Variants in DSC3 observed in about 807,000 individuals in gnomAD.
DSC3 encodes the protein desmocollin 3, also known as desmocollin-3.
Under a neutral mutation model 89.5 loss-of-function variants are expected in DSC3, and 97 were observed. The ratio of observed to expected loss-of-function variants is 1.08; its 90% CI spans 0.92 to 1.28. DSC3 has a LOEUF of 1.28. Among genes scored for constraint, DSC3 ranks in the 50% most tolerant of loss-of-function variants. The pLI is 0.00. For synonymous variants in DSC3, 436 were observed against 384.1 expected, an observed-to-expected ratio of 1.14 and a Z score of -1.58; for missense variants, 1,199 against 1,085.3, an observed-to-expected ratio of 1.10 and a Z score of -1.47.
chr18:31,031,298 A>T (rs1985784593), intron 2 of DSC3, 126 bp from the exon 3 acceptor site: 3 of 659,378 alleles, frequency 4.5e-6, no homozygotes, highest in Non-Finnish European at 7.6e-6. Context: ...CTTTGCATTT[A>T]CCAGATATCT....
intron 9 of DSC3, among the ~76,000 whole-genome samples, chr18:31,012,288 T>C (rs1242279023): frequency 2.0e-5 from 3 of 152,018 alleles, no homozygotes; most frequent in Non-Finnish European, 4.4e-5. Context: ...TAGAAATGAA[T>C]TAAGGTTGCA....
chr18:30,998,831 A>G (rs1176282364), intron 14 of DSC3, among the ~76,000 whole-genome samples: 1 of 152,224 alleles, frequency 6.6e-6, no homozygotes, highest in Non-Finnish European at 1.5e-5. Flanking sequence ...GTTCAATTAA[A>G]GTATAAGCGC....
At position 30,996,004 on chromosome 18, in the gene DSC3, A is replaced by AAAAAG. The variant is rs1380162048; in HGVS notation, c.2493+786_2493+787insCTTTT. Among the ~76,000 whole-genome samples, 124 of 143,734 alleles carry AAAAAG rather than the reference A, an allele frequency of 8.6e-4. 3 individuals are homozygous for AAAAAG. The highest frequency in any genetic ancestry group is 3.4e-3 in the African/African-American group (120 of 35,486). 94.3% of individuals were successfully genotyped at this position (143,734 alleles called of 152,430 possible). On this transcript the variant is annotated intron_variant, in intron 15 of 15. Transcript: ENST00000360428. ...AAAAAAAAAAAAAAAAAAAAAGAAA[A>AAAAAG]GAAAGAAAAAAGCTTCTGCTTCATA...
chr18:31,011,140 T>A (rs1985043020), intron 9 of DSC3, among the ~76,000 whole-genome samples: 1 of 152,218 alleles, frequency 6.6e-6, no homozygotes, highest in Admixed American at 6.5e-5. Context: ...TCAAATTCTG[T>A]CTACACTACA....
chr18:31,022,353 G>T lies in DSC3; in HGVS notation c.925C>A (p.His309Asn). 1 of 1,613,986 alleles carries T rather than the reference G, an allele frequency of 6.2e-7. No individual in the cohort carries two copies. Among genetic ancestry groups the T allele is most frequent in the Non-Finnish European group, 8.5e-7 (1 of 1,179,916 alleles). ...TGAGCTACCTCTCTGTCCAAATAAT[G>T]AGAGACTGTGGTGATTACGCCTGTG... Reference protein sequence around the residue: ...PSTGVITTVSHYLDREVVDKY... With the variant: ...PSTGVITTVSNYLDREVVDKY... Residue 309 changes from histidine (H) to asparagine (N), a missense_variant, in exon 7 of 16, where the codon CAT (histidine) becomes AAT (asparagine). Coordinates refer to ENST00000360428, the MANE Select transcript of DSC3 (RefSeq NM_001941.5).
chr18:30,996,731 G>A, intron 15 of DSC3, 60 bp downstream of exon 15: 1 of 1,596,432 alleles, frequency 6.3e-7, no homozygotes. Flanking sequence ...AATTTGAATT[G>A]TCTATTTTTC....
At position 31,029,463 on chromosome 18, in the gene DSC3, A is replaced by G. The variant is rs16961097; in HGVS notation, c.474+46T>C. On this transcript the variant is annotated intron_variant, in intron 4 of 15. Coordinates refer to ENST00000360428, the MANE Select transcript of DSC3 (RefSeq NM_001941.5). Reference sequence around the variant, plus strand: ...GAGGTATTAAATCTCAATGAAACAGACTCTTAGAATTAAAGCAACCCTGAC... The same window carrying G: ...GAGGTATTAAATCTCAATGAAACAGGCTCTTAGAATTAAAGCAACCCTGAC... 2,470 of 1,609,614 alleles carry G rather than the reference A, an allele frequency of 1.5e-3. 49 individuals carry two copies. The African/African-American group carries it at 0.03, about 20-fold the overall frequency.
rs1473514036 is a variant in DSC3, at chr18:31,022,428, T to G, written c.850A>C (p.Ile284Leu). The change falls in exon 7 of 16, where the codon ATT (isoleucine) becomes CTT (leucine). Residue 284 changes from isoleucine (I) to leucine (L), a missense_variant. Transcript: ENST00000360428. ...DTMHTRLKYS[I>L]LQQTPRSPGL... Reference sequence around the variant, plus strand: ...GGTGACCTTGGTGTCTGCTGCAAAATGCTGTATTTCAGGCGCGTATGCATT... The same window carrying G: ...GGTGACCTTGGTGTCTGCTGCAAAAGGCTGTATTTCAGGCGCGTATGCATT... 3 of 1,614,076 alleles carry G rather than the reference T, an allele frequency of 1.9e-6. No homozygotes were observed. Among genetic ancestry groups the G allele is most frequent in the Non-Finnish European group, 2.5e-6 (3 of 1,179,978 alleles).
intron 5 of DSC3, 57 bp downstream of exon 5, chr18:31,025,703 C>A: frequency 6.5e-7 from 1 of 1,537,060 alleles, no homozygotes; most frequent in Non-Finnish European, 9.0e-7. Flanking sequence ...CTGGAGTAAG[C>A]ATCAGAAGAA....
intron 9 of DSC3, among the ~76,000 whole-genome samples, chr18:31,011,003 G>A (rs1017275565): frequency 3.3e-5 from 5 of 152,186 alleles, no homozygotes; most frequent in Non-Finnish European, 5.9e-5. Flanking sequence ...AGCTATTAGG[G>A]AGGCAGAAAG....
chr18:31,012,652 A>C (rs1480011100), intron 9 of DSC3, among the ~76,000 whole-genome samples: 1 of 152,238 alleles, frequency 6.6e-6, no homozygotes, highest in African/African-American at 2.4e-5. Context: ...AAGATAAATA[A>C]ATCTTTTAAT....
intron 9 of DSC3, among the ~76,000 whole-genome samples, chr18:31,012,478 CAG>C (rs1479562025): frequency 1.3e-5 from 2 of 152,138 alleles, no homozygotes; most frequent in Admixed American, 6.5e-5. Context: ...GCTGTATGAA[CAG>C]AGTTATCTCT....
At chr18:31,005,469 T>G (rs1290591480) in intron 12 of DSC3, among the ~76,000 whole-genome samples, 1 of 152,212 alleles carries the variant, frequency 6.6e-6, no homozygotes, top group African/African-American at 2.4e-5. Context: ...TGTTGCCTAC[T>G]GTACCAAGGT....
chr18:31,008,094 T>C lies in DSC3; in HGVS notation c.1585A>G (p.Thr529Ala). Reference protein sequence around the residue: ...TIDEISGSIITSKILDREVET... With the variant: ...TIDEISGSIIASKILDREVET... ...ACCTCCCTATCCAGGATTTTGGAAG[T>C]TATGATTGACCCTGAAATTTCATCA... The change falls in exon 11 of 16, where the codon ACT becomes GCT. Residue 529 changes from threonine (T) to alanine (A), a missense_variant. Transcript: ENST00000360428. 2 of 1,613,210 alleles carry C rather than the reference T, an allele frequency of 1.2e-6. No individual in the cohort carries two copies. The highest frequency in any genetic ancestry group is 1.1e-5 in the South Asian group (1 of 91,000).
At chr18:31,007,889 A>G (rs756358547) in intron 11 of DSC3, 127 bp downstream of exon 11, 8 of 885,664 alleles carry the variant, frequency 9.0e-6, no homozygotes, top group Non-Finnish European at 1.2e-5. Flanking sequence ...TAAGAGAGAC[A>G]GAAAGAGTCT....
intron 4 of DSC3, among the ~76,000 whole-genome samples, chr18:31,026,623 G>T (rs1281156993): frequency 6.6e-6 from 1 of 152,094 alleles, no homozygotes; most frequent in Non-Finnish European, 1.5e-5. Flanking sequence ...ATCAGAATTT[G>T]CTGATGAGTT....
At chr18:31,019,325 G>A (rs143231167) in intron 7 of DSC3, among the ~76,000 whole-genome samples, 19 of 152,216 alleles carry the variant, frequency 1.2e-4, no homozygotes, top group African/African-American at 4.1e-4. Context: ...TCCCGATCTC[G>A]TGATTCACCC....
chr18:31,017,149 AAAAAT>A (rs965079239), intron 9 of DSC3, among the ~76,000 whole-genome samples: 105 of 152,268 alleles, frequency 6.9e-4, no homozygotes, highest in African/African-American at 2.4e-3. Flanking sequence ...CATATTATAG[AAAAAT>A]AAAATAGGGA....
At chr18:30,995,021 G>A (rs938450682) in intron 15 of DSC3, among the ~76,000 whole-genome samples, 11 of 152,046 alleles carry the variant, frequency 7.2e-5, no homozygotes, top group South Asian at 2.1e-4. Context: ...TACATGCATC[G>A]AAAAGTTCAA....
Sources: gnomAD v4.1 joint callset for allele counts (sites outside exome capture counted in the v4.1 genomes callset) on GRCh38, gnomAD v4.1.1 for gene constraint, MANE v1.5 for transcripts, NCBI Gene and HGNC (gene_info 2026-07-23, HGNC 2026-07-21) for gene names.